The following JAKMIP3 variants were observed in gnomAD, a reference collection of about 807,000 sequenced individuals.
JAKMIP3 encodes the protein Janus kinase and microtubule interacting protein 3, also known as janus kinase and microtubule-interacting protein 3.
Under a neutral mutation model 118.5 loss-of-function variants are expected in JAKMIP3, and 58 were observed. That is an observed-to-expected ratio of 0.49 (90% CI 0.40 to 0.61). JAKMIP3 has a LOEUF of 0.61. JAKMIP3 is among the 20% of genes least tolerant of loss of function. JAKMIP3 has a pLI of 0.00. For missense variants in JAKMIP3, 950 were observed against 1,109.0 expected (o/e 0.86, Z 2.04); for synonymous variants, 486 against 451.2 (o/e 1.08, Z -0.98).
upstream of JAKMIP3, among the ~76,000 whole-genome samples, chr10:132,065,663 T>A (rs2038668154): frequency 6.6e-6 from 1 of 152,108 alleles, no homozygotes; most frequent in Non-Finnish European, 1.5e-5. The surrounding 1 kb of genome is among the most constrained non-coding windows in gnomAD (Gnocchi z 5.6). Flanking sequence ...CCAAGCTGCC[T>A]TCAGGATCTC....
intron 2 of JAKMIP3, among the ~76,000 whole-genome samples, chr10:132,105,233 G>T (rs2045724663): frequency 6.6e-6 from 1 of 152,230 alleles, no homozygotes; most frequent in East Asian, 1.9e-4. Context: ...CAGGGCCTTG[G>T]GGTCTGTGTC....
rs1291131988 is a variant in JAKMIP3, at chr10:132,180,736, T to TGC, written c.*1104-1619_*1104-1618dup. Among the ~76,000 whole-genome samples the TGC allele has an allele frequency of 7.1e-4, 8 of 11,326 alleles. 2 individuals are homozygous for TGC. The highest frequency in any genetic ancestry group is 8.8e-4 in the African/African-American group (2 of 2,272). The allele number at this position is 11,326 out of a possible 152,430, so 7.4% of individuals were successfully genotyped here. On this transcript the variant is annotated intron_variant, in intron 23 of 23. Coordinates refer to ENST00000684848, the MANE Select transcript of JAKMIP3 (RefSeq NM_001323087.2). The stretch of plus-strand genomic sequence containing the variant: ...GTGTGTGTGCGTGTGTGTGCGTGTG[T>TGC]GCGTGCGTGCGCGCGCGTGTGTGCG...
At chr10:132,149,367 AGGGAT>A in intron 14 of JAKMIP3, 40 bp from the exon 15 acceptor site, 1 of 1,272,522 alleles carries the variant, frequency 7.9e-7, no homozygotes, top group Non-Finnish European at 1.1e-6. Context: ...CTTAGAGGGA[AGGGAT>A]GGGAGGGGAG....
chr10:132,180,690 T>TGTGC (rs1554963220), intron 23 of JAKMIP3, among the ~76,000 whole-genome samples: 6 of 24,800 alleles, frequency 2.4e-4, no homozygotes, highest in African/African-American at 4.3e-4. Context: ...CGCGTGTGTG[T>TGTGC]GCGTGCGTGT....
intron 19 of JAKMIP3, among the ~76,000 whole-genome samples, chr10:132,159,566 G>A (rs1485810224): frequency 1.5e-5 from 2 of 134,012 alleles, no homozygotes; most frequent in African/African-American, 2.9e-5. Flanking sequence ...GATGCTGGGG[G>A]GGCGTGTCTC....
chr10:132,102,954 C>A (rs1417282438), intron 1 of JAKMIP3, among the ~76,000 whole-genome samples: 26 of 136,874 alleles, frequency 1.9e-4, no homozygotes, highest in Admixed American at 1.8e-3. Context: ...AGAGGAGACG[C>A]GGGCATGGGG....
Position 132,163,291 on chromosome 10 carries a change from A to C in JAKMIP3, c.2303A>C (p.Glu768Ala). The C allele has an allele frequency of 1.2e-6, 2 of 1,602,384 alleles. No homozygotes were observed. Among genetic ancestry groups the C allele is most frequent in the Non-Finnish European group, 1.7e-6 (2 of 1,175,688 alleles). The change falls in exon 20 of 24, where the codon GAG (glutamate) becomes GCG (alanine). Residue 768 changes from glutamate (E) to alanine (A), a missense_variant. Glu to Ala is a moderately radical substitution (Grantham distance 107). Transcript: ENST00000684848. ...AAGGTGGCTGAGCTGCTGTCAGAGG[A>C]GGAGCGCGAGAAGCTCAAGGTGGCC... is the stretch of plus-strand genomic sequence containing the variant. ...GAKVAELLSE[E>A]EREKLKVAVE...
chr10:132,121,297 T>C (rs2048497731), intron 3 of JAKMIP3, among the ~76,000 whole-genome samples: 1 of 152,098 alleles, frequency 6.6e-6, no homozygotes, highest in Non-Finnish European at 1.5e-5. Flanking sequence ...ACCCAGCTCA[T>C]GGGGCTCCAG....
chr10:132,159,593 GGC>G (rs2057668737), intron 19 of JAKMIP3, among the ~76,000 whole-genome samples: 1 of 124,806 alleles, frequency 8.0e-6, no homozygotes, highest in Non-Finnish European at 1.7e-5. Context: ...TGATGCTGGG[GGC>G]ATGTCTTCCT....
rs1316575802 is a variant in JAKMIP3 at position 132,183,770 on chromosome 10, CCCA to C, written c.*2518_*2520del. The C allele has an allele frequency of 6.6e-6, 1 of 152,144 alleles. No homozygotes were observed. The highest frequency in any genetic ancestry group is 1.5e-5 in the Non-Finnish European group (1 of 68,034). 9.4% of individuals were successfully genotyped at this position (152,144 alleles called of 1,614,324 possible). A position where few individuals can be genotyped will look rare whatever the true frequency, so the allele number is the denominator to read the frequency against. ...ACCTTCTTTACATCTGATTACAATA[CCCA>C]GCATTTCAGAACTGGGTTTTTGCCC... On this transcript the variant is annotated 3_prime_UTR_variant, in exon 24 of 24. Coordinates refer to ENST00000684848, the MANE Select transcript of JAKMIP3 (RefSeq NM_001323087.2).
At chr10:132,040,839 G>C (rs2037720122) in intron 1 of JAKMIP3, among the ~76,000 whole-genome samples, 3 of 152,040 alleles carry the variant, frequency 2.0e-5, no homozygotes, top group African/African-American at 7.2e-5. Context: ...TCTCTGTTGA[G>C]AGCTCCCACT....
intron 8 of JAKMIP3, 28 bp from the exon 9 acceptor site, chr10:132,138,091 A>G: frequency 6.2e-7 from 1 of 1,606,414 alleles, no homozygotes; most frequent in East Asian, 2.2e-5. Flanking sequence ...TCTACCACTT[A>G]CACAACCTCT....
At position 132,180,776 on chromosome 10, in the gene JAKMIP3, T is replaced by TGTGCGTGC. The variant is rs1554963496; in HGVS notation, c.*1104-1578_*1104-1577insCGTGCGTG. 2.0e-3 allele frequency among the ~76,000 whole-genome samples: 91 copies of TGTGCGTGC among 44,622 alleles called. 33 individuals carry two copies. The highest frequency in any genetic ancestry group is 0.019 in the East Asian group (6 of 314). The allele number at this position is 44,622 out of a possible 152,430, so 29.3% of individuals were successfully genotyped here. A position where few individuals can be genotyped will look rare whatever the true frequency, so the allele number is the denominator to read the frequency against. ...GCGTGTGTGCGTGTGTGTGCGTGTG[T>TGTGCGTGC]GTGTGTGCGCGTATGCATGTGCTGT... is the stretch of plus-strand genomic sequence containing the variant. On this transcript the variant is annotated intron_variant, in intron 23 of 23. Transcript: ENST00000684848.
At chr10:132,119,978 C>A (rs546451680) in intron 3 of JAKMIP3, among the ~76,000 whole-genome samples, 1 of 152,176 alleles carries the variant, frequency 6.6e-6, no homozygotes, top group Non-Finnish European at 1.5e-5. Flanking sequence ...CACCTGTGCC[C>A]AGGAAATGCA....
chr10:132,062,748 C>G (rs763426432), upstream of JAKMIP3, among the ~76,000 whole-genome samples: 1 of 152,146 alleles, frequency 6.6e-6, no homozygotes, highest in African/African-American at 2.4e-5. Context: ...ACAGAGGGAC[C>G]GAGGATGGGA....
chr10:132,077,567 G>A (rs2041028615), intron 1 of JAKMIP3, among the ~76,000 whole-genome samples: 1 of 152,240 alleles, frequency 6.6e-6, no homozygotes, highest in Non-Finnish European at 1.5e-5. Flanking sequence ...GGAAAGACAT[G>A]ATTATGTAGA....
chr10:132,086,537 C>T (rs946256659), intron 1 of JAKMIP3, among the ~76,000 whole-genome samples: 7 of 152,086 alleles, frequency 4.6e-5, no homozygotes, highest in African/African-American at 1.7e-4. Flanking sequence ...AATTTGAGAG[C>T]TCCAGTGTTA....
At chr10:132,132,810 G>A (rs1043339152) in intron 3 of JAKMIP3, among the ~76,000 whole-genome samples, 5 of 152,228 alleles carry the variant, frequency 3.3e-5, no homozygotes, top group Non-Finnish European at 5.9e-5. Flanking sequence ...GGCTGGGGAA[G>A]GGGTAGCACT....
intron 17 of JAKMIP3, 95 bp from the exon 18 acceptor site, chr10:132,153,664 G>T (rs965591943): frequency 2.5e-6 from 3 of 1,190,502 alleles, no homozygotes; most frequent in African/African-American, 3.0e-5. Context: ...GAGGAAGGAA[G>T]ACCCAGGCTG....
Sources: allele counts gnomAD v4.1 joint callset (sites outside exome capture counted in the v4.1 genomes callset), GRCh38; gene constraint gnomAD v4.1.1; non-coding constraint Gnocchi (gnomAD v3.1); transcripts MANE v1.5; gene names NCBI Gene and HGNC (gene_info 2026-07-23, HGNC 2026-07-21).